Variants in KIAA2012 observed in about 807,000 individuals in gnomAD.
The protein encoded by KIAA2012 is uncharacterized protein KIAA2012.
A neutral mutation model predicts 150.6 loss-of-function variants in KIAA2012; 125 were observed. The observed-to-expected ratio is 0.83, with a 90% confidence interval of 0.72 to 0.96. The LOEUF (loss-of-function observed/expected upper bound fraction) is 0.96, where lower values mean the gene tolerates loss of function less well. KIAA2012 is among the 40% of genes least tolerant of loss of function. The pLI, the probability that KIAA2012 is intolerant of heterozygous loss-of-function variation, is 0.00. For missense variants in KIAA2012, 1,219 were observed against 1,354.9 expected (o/e 0.90, Z 1.57); for synonymous variants, 462 against 504.7 (o/e 0.92, Z 1.13).
At chr2:202,173,487 T>C (rs1691936452) in intron 15 of KIAA2012, among the ~76,000 whole-genome samples, 1 of 152,138 alleles carries the variant, frequency 6.6e-6, no homozygotes, top group South Asian at 2.1e-4. Flanking sequence ...GAGAATCGCT[T>C]GAACCCGGGA....
chr2:202,147,695 C>G (rs1691329515), intron 13 of KIAA2012, among the ~76,000 whole-genome samples: 1 of 152,098 alleles, frequency 6.6e-6, no homozygotes. Context: ...GACCTTTTCA[C>G]AGTGGAATCA....
intron 5 of KIAA2012, among the ~76,000 whole-genome samples, chr2:202,098,660 A>G (rs901879035): frequency 2.0e-5 from 3 of 152,168 alleles, no homozygotes; most frequent in African/African-American, 7.2e-5. Context: ...GAGCCTGTCC[A>G]AGAATCGTAA....
intron 9 of KIAA2012, among the ~76,000 whole-genome samples, chr2:202,109,016 G>A (rs1452015334): frequency 6.6e-6 from 1 of 152,166 alleles, no homozygotes; most frequent in Non-Finnish European, 1.5e-5. Flanking sequence ...CAGAGTGTAG[G>A]GTATGCTCTA....
Position 202,104,234 on chromosome 2 carries a change from C to T in KIAA2012, c.1324+1120C>T, listed in dbSNP as rs1690125009. ...CTGTGCACTTAAGATCTGTGCGATT[C>T]ACTCTATGTAGATTTTACCTTGCCA... On this transcript the variant is annotated intron_variant, in intron 8 of 23. Coordinates refer to ENST00000498697, the MANE Select transcript of KIAA2012 (RefSeq NM_001277372.4). The surrounding 1 kb of genome is among the most constrained non-coding windows in gnomAD (Gnocchi z 4.3). Among the ~76,000 whole-genome samples the T allele has an allele frequency of 6.6e-6, 1 of 152,112 alleles. No homozygotes were observed. The highest frequency in any genetic ancestry group is 2.4e-5 in the African/African-American group (1 of 41,406).
In KIAA2012 at chr2:202,184,926, T is replaced by G. The variant is rs1307116727; in HGVS notation, c.2210+83T>G. The G allele has an allele frequency of 8.5e-6, 10 of 1,172,738 alleles. No homozygotes were observed. In the Admixed American group the frequency reaches 2.8e-4, roughly 33 times the overall value. The allele number at this position is 1,172,738 out of a possible 1,614,324, so 72.6% of individuals were successfully genotyped here. ...TTAATTGGTTTAGTTTGGTTTTTTTTCAGACAGGAATGGGAGTTCTCAGCT... is the reference window on the plus strand; with the variant it reads ...TTAATTGGTTTAGTTTGGTTTTTTTGCAGACAGGAATGGGAGTTCTCAGCT... On this transcript the variant is annotated intron_variant, in intron 16 of 23. Transcript: ENST00000498697.
At chr2:202,187,709 G>A (rs1215968842) in intron 17 of KIAA2012, among the ~76,000 whole-genome samples, 6 of 152,200 alleles carry the variant, frequency 3.9e-5, no homozygotes, top group Non-Finnish European at 7.3e-5. Flanking sequence ...ATGGGGAAAG[G>A]TGAAGACTGA....
intron 13 of KIAA2012, among the ~76,000 whole-genome samples, chr2:202,140,948 A>T (rs1691185635): frequency 6.6e-6 from 1 of 151,238 alleles, no homozygotes; most frequent in East Asian, 1.9e-4. Context: ...TACTTTTATC[A>T]CCCTGCTAGC....
At chr2:202,201,719 G>A (rs1692530151) in intron 22 of KIAA2012, 4 of 1,529,010 alleles carry the variant, frequency 2.6e-6, no homozygotes, top group Non-Finnish European at 3.6e-6. Flanking sequence ...GGGGACTGTG[G>A]CAGCCCCTGG....
chr2:202,192,412 C>A (rs991860965), intron 19 of KIAA2012, among the ~76,000 whole-genome samples: 2 of 150,808 alleles, frequency 1.3e-5, no homozygotes, highest in African/African-American at 4.9e-5. Flanking sequence ...AAATGTGAAT[C>A]TGACCCATCT....
chr2:202,194,949 T>G (rs1692388878), intron 21 of KIAA2012, among the ~76,000 whole-genome samples: 1 of 151,896 alleles, frequency 6.6e-6, no homozygotes, highest in Non-Finnish European at 1.5e-5. Flanking sequence ...TTTGTATTTT[T>G]AGTAAAGATG....
rs377076108 is a variant in KIAA2012 at position 202,084,261 on chromosome 2, C to T, written c.370-6509C>T. On this transcript the variant is annotated intron_variant, in intron 2 of 23. Coordinates refer to ENST00000498697, the MANE Select transcript of KIAA2012 (RefSeq NM_001277372.4). Reference sequence around the variant, plus strand: ...CCTTCCTGGGGACTCTGGCTCCCTGCCACCCCATATCTGCTGGGCAGGAGC... The same window carrying T: ...CCTTCCTGGGGACTCTGGCTCCCTGTCACCCCATATCTGCTGGGCAGGAGC... Among the ~76,000 whole-genome samples the T allele has an allele frequency of 5.9e-5, 9 of 152,128 alleles. No individual in the cohort carries two copies. The East Asian group carries it at 1.2e-3, about 20-fold the overall frequency.
intron 13 of KIAA2012, among the ~76,000 whole-genome samples, chr2:202,139,370 G>A (rs1221426072): frequency 1.3e-5 from 2 of 152,100 alleles, no homozygotes; most frequent in East Asian, 1.9e-4. Flanking sequence ...CAACTCAGGG[G>A]AATTCCTAGA....
chr2:202,124,074 TC>T, intron 11 of KIAA2012, among the ~76,000 whole-genome samples: 1 of 152,280 alleles, frequency 6.6e-6, no homozygotes, highest in South Asian at 2.1e-4. Context: ...GCACCTGTAG[TC>T]CCAGCTACTT....
chr2:202,089,955 G>T (rs1184606637), intron 2 of KIAA2012, among the ~76,000 whole-genome samples: 2 of 152,198 alleles, frequency 1.3e-5, no homozygotes, highest in Non-Finnish European at 2.9e-5. Context: ...GGAGAAAATG[G>T]ATTCTGAGAT....
intron 4 of KIAA2012, among the ~76,000 whole-genome samples, chr2:202,096,052 C>T (rs188153435): frequency 6.6e-6 from 1 of 152,116 alleles, no homozygotes; most frequent in South Asian, 2.1e-4. Flanking sequence ...CCACTGCACT[C>T]CAGCCTGGGC....
At chr2:202,192,001 T>C (rs940725836) in intron 19 of KIAA2012, among the ~76,000 whole-genome samples, 3 of 152,196 alleles carry the variant, frequency 2.0e-5, no homozygotes, top group Non-Finnish European at 4.4e-5. Flanking sequence ...TTATTATCTA[T>C]TTACTTATTT....
intron 2 of KIAA2012, among the ~76,000 whole-genome samples, chr2:202,076,757 GC>G (rs1340881229): frequency 6.6e-6 from 1 of 152,132 alleles, no homozygotes; most frequent in Non-Finnish European, 1.5e-5. Flanking sequence ...TTTGCACTCT[GC>G]CCTGTTGTTT....
At chr2:202,186,796 A>T in intron 16 of KIAA2012, 137 bp from the exon 17 acceptor site, 3 of 749,690 alleles carry the variant, frequency 4.0e-6, no homozygotes, top group Non-Finnish European at 6.2e-6. Context: ...GTGCAGAAGA[A>T]AAAGAGTTGA....
intron 9 of KIAA2012, 181 bp downstream of exon 9, chr2:202,106,091 A>T (rs1188544544): frequency 8.1e-6 from 12 of 1,490,636 alleles, no homozygotes; most frequent in African/African-American, 1.4e-5. Context: ...CTGCACTAAA[A>T]CTAACAGTGT....
Sources: allele counts gnomAD v4.1 joint callset (sites outside exome capture counted in the v4.1 genomes callset), GRCh38; gene constraint gnomAD v4.1.1; non-coding constraint Gnocchi (gnomAD v3.1); transcripts MANE v1.5; gene names NCBI Gene and HGNC (gene_info 2026-07-23, HGNC 2026-07-21).